Variants in DHX33 observed in about 807,000 individuals in gnomAD.
DHX33 encodes DEAH-box helicase 33, also known as ATP-dependent RNA helicase DHX33.
In DHX33, 42 loss-of-function variants were observed where a neutral mutation model predicts 72.5. That is an observed-to-expected ratio of 0.58 (90% CI 0.45 to 0.75). The LOEUF (loss-of-function observed/expected upper bound fraction) is 0.75, where lower values mean the gene tolerates loss of function less well. DHX33 is among the 30% of genes least tolerant of loss of function. The pLI is 0.00. For synonymous variants in DHX33, 358 were observed against 366.1 expected (o/e 0.98, Z 0.25); for missense variants, 842 against 917.5 (o/e 0.92, Z 1.06).
In DHX33 at chr17:5,444,124, G is replaced by A. The variant is rs1916538116; in HGVS notation, c.*81C>T. On this transcript the variant is annotated 3_prime_UTR_variant, in exon 12 of 12. Transcript: ENST00000225296. This position sits in a 1 kb window ranked among gnomAD's most constrained non-coding sequence, Gnocchi z 4.9. ...AGCTGATTCCAAGGCTTCTCTAAGC[G>A]CCAACCTGGAAGCCTGCTGTAAGGA... 2.7e-6 allele frequency: 4 copies of A among 1,497,496 alleles called. No homozygotes were observed. The highest frequency in any genetic ancestry group is 1.3e-5 in the South Asian group (1 of 74,292). The allele number at this position is 1,497,496 out of a possible 1,614,324, so 92.8% of individuals were successfully genotyped here.
intron 4 of DHX33, among the ~76,000 whole-genome samples, chr17:5,460,371 C>G (rs1289194341): frequency 6.6e-6 from 1 of 152,080 alleles, no homozygotes; most frequent in African/African-American, 2.4e-5. Context: ...ACTGCTTTAA[C>G]ATGAAAATTT....
At position 5,446,982 on chromosome 17, in the gene DHX33, G is replaced by A. The variant is rs1275764446; in HGVS notation, c.1815+1827C>T. 2.0e-5 allele frequency among the ~76,000 whole-genome samples: 3 copies of A among 152,206 alleles called. 1 individual carries two copies. Among genetic ancestry groups the A allele is most frequent in the Non-Finnish European group, 4.4e-5 (3 of 68,034 alleles). ...CGTAGGCCGTTGGCATCAGACACAGGCCTGGGTACAGGCTGTGACTGTCTC... is the reference window on the plus strand; with the variant it reads ...CGTAGGCCGTTGGCATCAGACACAGACCTGGGTACAGGCTGTGACTGTCTC... On this transcript the variant is annotated intron_variant, in intron 11 of 11. Transcript: ENST00000225296.
At chr17:5,455,945 G>A in intron 5 of DHX33, 52 bp downstream of exon 5, 2 of 1,558,478 alleles carry the variant, frequency 1.3e-6, no homozygotes, top group South Asian at 1.2e-5. Context: ...CTCGCTGGTG[G>A]ATCCGTCTGG....
chr17:5,455,091 T>A (rs1917129665), intron 6 of DHX33, 69 bp downstream of exon 6: 2 of 1,371,134 alleles, frequency 1.5e-6, no homozygotes, highest in East Asian at 4.6e-5. Context: ...AGGGGAAAAC[T>A]GTGGGACTAC....
intron 11 of DHX33, among the ~76,000 whole-genome samples, chr17:5,445,290 G>GCTGGTCTTGAACT (rs1354811704): frequency 9.9e-5 from 15 of 152,056 alleles, no homozygotes; most frequent in Non-Finnish European, 2.2e-4. Context: ...TTTTGGTCAG[G>GCTGGTCTTGAACT]CTGGTCTTGA....
chr17:5,454,251 G>A (rs534249052), intron 6 of DHX33, among the ~76,000 whole-genome samples: 2 of 152,280 alleles, frequency 1.3e-5, no homozygotes, highest in African/African-American at 2.4e-5. Context: ...AGTAGTTTCC[G>A]AGGTCTTGCC....
chr17:5,441,328 G>A lies in DHX33; in HGVS notation c.*2877C>T, dbSNP rs1411561478. ...GCTGTTTGCAGTCCTGCCCCTTGTA[G>A]TGTTACTCTGGGTGTTGCACACTCC... On this transcript the variant is annotated 3_prime_UTR_variant, in exon 12 of 12. Coordinates refer to ENST00000225296, the MANE Select transcript of DHX33 (RefSeq NM_020162.4). 2.0e-5 allele frequency: 3 copies of A among 152,170 alleles called. No individual in the cohort carries two copies. The highest frequency in any genetic ancestry group is 1.9e-4 in the East Asian group (1 of 5,200). 9.4% of individuals were successfully genotyped at this position (152,170 alleles called of 1,614,324 possible).
At chr17:5,446,881 C>T (rs373447185) in intron 11 of DHX33, among the ~76,000 whole-genome samples, 16 of 152,156 alleles carry the variant, frequency 1.1e-4, no homozygotes, top group East Asian at 5.8e-4. Flanking sequence ...TGTTCAAATA[C>T]AAAAGCAGTT....
chr17:5,467,890 G>T (rs887696708), intron 1 of DHX33, among the ~76,000 whole-genome samples: 1 of 152,180 alleles, frequency 6.6e-6, no homozygotes, highest in South Asian at 2.1e-4. Context: ...ACTGCCAGCC[G>T]CGTTTCGTGT....
chr17:5,467,619 G>C (rs141957227), intron 1 of DHX33, among the ~76,000 whole-genome samples: 2,444 of 151,906 alleles, frequency 0.016, 37 homozygotes, highest in Non-Finnish European at 0.021. Flanking sequence ...CACTCTGGCC[G>C]GGAATATGCC....
intron 2 of DHX33, 24 bp from the exon 3 acceptor site, chr17:5,462,570 A>C (rs1171170577): frequency 7.6e-6 from 12 of 1,586,192 alleles, no homozygotes; most frequent in Non-Finnish European, 1.0e-5. Flanking sequence ...CAATTTATTC[A>C]GTCACCAAAC....
At chr17:5,447,672 A>G (rs950647459) in intron 11 of DHX33, among the ~76,000 whole-genome samples, 2 of 152,194 alleles carry the variant, frequency 1.3e-5, no homozygotes, top group Non-Finnish European at 2.9e-5. Context: ...CACTTTGGCA[A>G]TATCTAACAA....
chr17:5,461,123 C>A lies in DHX33; in HGVS notation c.679-14G>T, dbSNP rs201733699. On this transcript the variant is annotated splice_polypyrimidine_tract_variant and intron_variant, in intron 3 of 11. Transcript: ENST00000225296. ...CATCACAATCACCTGCATAAGAGAACGAAGAGGAGGACCAGAAACAAATAG... is the reference window on the plus strand; with the variant it reads ...CATCACAATCACCTGCATAAGAGAAAGAAGAGGAGGACCAGAAACAAATAG... 6.3e-7 allele frequency: 1 copy of A among 1,593,442 alleles called. No individual in the cohort carries two copies. Among genetic ancestry groups the A allele is most frequent in the South Asian group, 1.1e-5 (1 of 89,870 alleles).
At position 5,453,846 on chromosome 17, in the gene DHX33, T is replaced by C; in HGVS notation, c.1282A>G (p.Lys428Glu). ...CTCTGGATCTCTGGCACGGTCATCT[T>C]ATCAAACTTCTCAAACTCGTCCTCC... Reference protein sequence around the residue: ...YTEDEFEKFDKMTVPEIQRCN... With the variant: ...YTEDEFEKFDEMTVPEIQRCN... Residue 428 changes from lysine (K) to glutamate (E), a missense_variant, in exon 7 of 12, where the codon AAG becomes GAG. Transcript: ENST00000225296. 1 of 1,614,124 alleles carries C rather than the reference T, an allele frequency of 6.2e-7. No individual in the cohort carries two copies. Among genetic ancestry groups the C allele is most frequent in the Non-Finnish European group, 8.5e-7 (1 of 1,180,002 alleles).
chr17:5,458,505 C>T (rs1167030958), intron 4 of DHX33, among the ~76,000 whole-genome samples: 1 of 152,072 alleles, frequency 6.6e-6, no homozygotes, highest in East Asian at 1.9e-4. Flanking sequence ...CCTAGCTACT[C>T]CCAATGCTGA....
chr17:5,448,803 C>T lies in DHX33; in HGVS notation c.1815+6G>A, dbSNP rs769773274. 4.1e-5 allele frequency: 66 copies of T among 1,597,960 alleles called. No homozygotes were observed. Among genetic ancestry groups the T allele is most frequent in the African/African-American group, 1.5e-4 (11 of 73,850 alleles). On this transcript the variant is annotated splice_donor_region_variant and intron_variant, in intron 11 of 11. Coordinates refer to ENST00000225296, the MANE Select transcript of DHX33 (RefSeq NM_020162.4). ...TCACCCACAGAACACTAGGACCAGA[C>T]GATACCTTTAAGCAGATGTCCCTCA...
Position 5,468,965 on chromosome 17 carries a change from C to G in DHX33, c.-106G>C. ...CCCCTTCCTCGCCGCCACGTGCTGG[C>G]GGCTCCCGGCGACCACCGATGACCT... On this transcript the variant is annotated 5_prime_UTR_variant, in exon 1 of 12. Transcript: ENST00000225296. The G allele has an allele frequency of 5.3e-6, 4 of 748,264 alleles. No homozygotes were observed. The highest frequency in any genetic ancestry group is 8.2e-6 in the Non-Finnish European group (4 of 485,336). The allele number at this position is 748,264 out of a possible 1,614,324, so 46.4% of individuals were successfully genotyped here. A position where few individuals can be genotyped will look rare whatever the true frequency, so the allele number is the denominator to read the frequency against.
At chr17:5,459,087 C>T (rs1904464183) in intron 4 of DHX33, among the ~76,000 whole-genome samples, 3 of 152,042 alleles carry the variant, frequency 2.0e-5, no homozygotes, top group Admixed American at 6.6e-5. Flanking sequence ...GTAGTTCCAG[C>T]TACTCAGGAG....
At chr17:5,467,289 C>T (rs540731092) in intron 1 of DHX33, among the ~76,000 whole-genome samples, 15 of 152,238 alleles carry the variant, frequency 9.9e-5, no homozygotes, top group African/African-American at 3.6e-4. Flanking sequence ...AAACAACTAC[C>T]CAAAAACATC....
Sources: allele counts gnomAD v4.1 joint callset (sites outside exome capture counted in the v4.1 genomes callset), GRCh38; gene constraint gnomAD v4.1.1; non-coding constraint Gnocchi (gnomAD v3.1); transcripts MANE v1.5; gene names NCBI Gene and HGNC (gene_info 2026-07-23, HGNC 2026-07-21).